Variants in GBX1 observed in about 807,000 individuals in gnomAD.
The protein encoded by GBX1 is homeobox protein GBX-1.
In GBX1, 9 loss-of-function variants were observed where a neutral mutation model predicts 22.9. That is an observed-to-expected ratio of 0.39 (90% CI 0.24 to 0.69). The LOEUF (loss-of-function observed/expected upper bound fraction) is 0.69. Ranked by LOEUF, GBX1 falls within the 30% of genes least tolerant of loss-of-function variation. The pLI, the probability that GBX1 is intolerant of heterozygous loss-of-function variation, is 0.43. For synonymous variants in GBX1, 203 were observed against 227.3 expected (o/e 0.89, Z 0.96); for missense variants, 494 against 509.2 (o/e 0.97, Z 0.29).
rs1362751722 is a variant in GBX1 at position 151,167,080 on chromosome 7, G to C, written c.469C>G (p.Arg157Gly). 5.0e-6 allele frequency: 8 copies of C among 1,602,422 alleles called. No homozygotes were observed. The highest frequency in any genetic ancestry group is 1.7e-5 in the Admixed American group (1 of 58,712). Reference sequence around the variant, plus strand: ...GGTGGGGGCTCTGCCACTTTCTCCCGGGCCGGCAGCAGCTCATCAGCTTCC... The same window carrying C: ...GGTGGGGGCTCTGCCACTTTCTCCCCGGCCGGCAGCAGCTCATCAGCTTCC... ...GLEADELLPA[R>G]EKVAEPPPPP... The change falls in exon 1 of 2, where the codon CGG becomes GGG. Residue 157 changes from arginine to glycine, a missense_variant. Physicochemically the swap from Arg to Gly is moderately radical, Grantham distance 125. This residue lies in a region of GBX1 where 365 missense variants were observed against 340.4 expected (regional missense o/e 1.07). Transcript: ENST00000297537. This position sits in a 1 kb window ranked among gnomAD's most constrained non-coding sequence, Gnocchi z 5.9.
chr7:151,154,710 T>C (rs1801115704), intron 1 of GBX1, among the ~76,000 whole-genome samples: 1 of 152,194 alleles, frequency 6.6e-6, no homozygotes, highest in African/African-American at 2.4e-5. Context: ...TTAATCTCAT[T>C]CCAGAGAACA....
chr7:151,152,085 T>G (rs561051173), intron 1 of GBX1, among the ~76,000 whole-genome samples: 1 of 152,246 alleles, frequency 6.6e-6, no homozygotes, highest in South Asian at 2.1e-4. Flanking sequence ...AAAGTAGGTA[T>G]TCTGAATATT....
At chr7:151,161,809 G>A (rs1801190958) in intron 1 of GBX1, among the ~76,000 whole-genome samples, 1 of 152,158 alleles carries the variant, frequency 6.6e-6, no homozygotes, top group Non-Finnish European at 1.5e-5. Context: ...CAGATCCCCT[G>A]ATGAAAGGTC....
chr7:151,159,404 G>A lies in GBX1; in HGVS notation c.538+7607C>T, dbSNP rs1474495308. 2.0e-5 allele frequency among the ~76,000 whole-genome samples: 3 copies of A among 152,080 alleles called. No individual in the cohort carries two copies. In the East Asian group the frequency reaches 5.8e-4, roughly 29 times the overall value. On this transcript the variant is annotated intron_variant, in intron 1 of 1. Coordinates refer to ENST00000297537, the MANE Select transcript of GBX1 (RefSeq NM_001098834.3). Reference sequence around the variant, plus strand: ...TTTTGTTGTTGTTTTTTGAGACAAGGTCTTGCTCTGTTGTGCAGGCTGGAG... The same window carrying A: ...TTTTGTTGTTGTTTTTTGAGACAAGATCTTGCTCTGTTGTGCAGGCTGGAG...
chr7:151,165,905 T>C (rs1221538752), intron 1 of GBX1, among the ~76,000 whole-genome samples: 1 of 152,206 alleles, frequency 6.6e-6, no homozygotes, highest in Non-Finnish European at 1.5e-5. Context: ...CTTGTCTCTG[T>C]TCAAGTCAGC....
At position 151,167,144 on chromosome 7, in the gene GBX1, G is replaced by A. The variant is rs1801263666; in HGVS notation, c.405C>T (p.Asn135=). ...AAAAAATAAR[N]NPEPGGRRPE... is the part of the protein sequence containing the mutation. ...GGCGTCGGCCGCCTGGCTCGGGGTTGTTTCGGGCGGCAGTGGCGGCGGCGG... is the reference window on the plus strand; with the variant it reads ...GGCGTCGGCCGCCTGGCTCGGGGTTATTTCGGGCGGCAGTGGCGGCGGCGG... The change falls in exon 1 of 2, where the codon AAC becomes AAT. Residue 135 remains asparagine, a synonymous_variant. Coordinates refer to ENST00000297537, the MANE Select transcript of GBX1 (RefSeq NM_001098834.3). This position sits in a 1 kb window ranked among gnomAD's most constrained non-coding sequence, Gnocchi z 5.9. The A allele has an allele frequency of 6.2e-7, 1 of 1,601,708 alleles. No individual in the cohort carries two copies. Among genetic ancestry groups the A allele is most frequent in the African/African-American group, 1.4e-5 (1 of 73,504 alleles).
chr7:151,167,243 G>A lies in GBX1; in HGVS notation c.306C>T (p.Thr102=), dbSNP rs752974785. The part of the protein sequence containing the change: ...GQAVPSMVAL[T]TALPSFAEPP... ...GCTCCGCGAAGCTGGGCAGCGCGGT[G>A]GTCAGCGCCACCATCGAGGGCACAG... The change falls in exon 1 of 2, where the codon ACC becomes ACT. Residue 102 remains threonine (T), a synonymous_variant. Transcript: ENST00000297537. The surrounding 1 kb of genome is among the most constrained non-coding windows in gnomAD (Gnocchi z 5.9). 3.8e-5 allele frequency: 59 copies of A among 1,551,438 alleles called. 1 individual carries two copies. The South Asian group carries it at 6.4e-4, about 17-fold the overall frequency.
chr7:151,150,677 A>T (rs1028906444), intron 1 of GBX1, among the ~76,000 whole-genome samples: 1 of 148,944 alleles, frequency 6.7e-6, no homozygotes, highest in African/African-American at 2.5e-5. Context: ...TGCAGTCTAC[A>T]CCTGGTCTTT....
intron 1 of GBX1, chr7:151,149,869 C>G: frequency 2.2e-6 from 1 of 453,776 alleles, no homozygotes; most frequent in East Asian, 7.0e-5. Context: ...GCCTCCTGAT[C>G]CCCTTTCAAT....
rs376110409 is a variant in GBX1, at chr7:151,166,474, ACCC to A, written c.538+534_538+536del. 3.7e-4 allele frequency among the ~76,000 whole-genome samples: 26 copies of A among 70,620 alleles called. 1 individual carries two copies. The highest frequency in any genetic ancestry group is 4.9e-4 in the Non-Finnish European group (18 of 36,746). The allele number at this position is 70,620 out of a possible 152,430, so 46.3% of individuals were successfully genotyped here. A position where few individuals can be genotyped will look rare whatever the true frequency, so the allele number is the denominator to read the frequency against. ...TCAGAAGTCACGGCTTTGAGACGCA[ACCC>A]CCCCCCCCCAACACACACACACACA... On this transcript the variant is annotated intron_variant, in intron 1 of 1. Transcript: ENST00000297537.
chr7:151,160,306 C>T (rs991574533), intron 1 of GBX1, among the ~76,000 whole-genome samples: 1 of 152,212 alleles, frequency 6.6e-6, no homozygotes, highest in African/African-American at 2.4e-5. Context: ...TGCCTTTACA[C>T]TCAGGGTAAT....
At chr7:151,152,847 T>C (rs905700756) in intron 1 of GBX1, among the ~76,000 whole-genome samples, 2 of 152,202 alleles carry the variant, frequency 1.3e-5, no homozygotes, top group Non-Finnish European at 2.9e-5. Context: ...GGTTACTTGA[T>C]CCCAGTGGGA....
chr7:151,151,409 T>C (rs1052747056), intron 1 of GBX1, among the ~76,000 whole-genome samples: 12 of 152,326 alleles, frequency 7.9e-5, no homozygotes, highest in African/African-American at 2.9e-4. Context: ...GCCAAATCTA[T>C]GTTGTTTTCT....
At chr7:151,159,893 C>T (rs1801172954) in intron 1 of GBX1, among the ~76,000 whole-genome samples, 1 of 152,126 alleles carries the variant, frequency 6.6e-6, no homozygotes, top group South Asian at 2.1e-4. Context: ...AATGTGACAG[C>T]TATACACAGT....
At chr7:151,149,895 T>G (rs1801058884) in intron 1 of GBX1, 1 of 455,936 alleles carries the variant, frequency 2.2e-6, no homozygotes, top group Admixed American at 2.3e-5. Flanking sequence ...CCCTTGACCT[T>G]AAAATGAAAC....
chr7:151,167,333 G>A lies in GBX1; in HGVS notation c.216C>T (p.Pro72=), dbSNP rs1336717551. ...APAPLPAGLP[P]LAPLASFAGR... ...CGGCGAAAGAGGCTAGCGGGGCGAGGGGCGGGAGGCCAGCGGGCAGCGGCG... is the reference window on the plus strand; with the variant it reads ...CGGCGAAAGAGGCTAGCGGGGCGAGAGGCGGGAGGCCAGCGGGCAGCGGCG... Residue 72 remains proline, a synonymous_variant, in exon 1 of 2, where the codon CCC becomes CCT. Transcript: ENST00000297537. This position sits in a 1 kb window ranked among gnomAD's most constrained non-coding sequence, Gnocchi z 5.9. The A allele has an allele frequency of 1.3e-6, 2 of 1,514,446 alleles. No individual in the cohort carries two copies. The highest frequency in any genetic ancestry group is 1.8e-6 in the Non-Finnish European group (2 of 1,134,506). The allele number at this position is 1,514,446 out of a possible 1,614,324, so 93.8% of individuals were successfully genotyped here.
chr7:151,160,644 T>C (rs959892484), intron 1 of GBX1, among the ~76,000 whole-genome samples: 6 of 152,232 alleles, frequency 3.9e-5, no homozygotes, highest in Non-Finnish European at 7.3e-5. Context: ...CCTGTCTCTT[T>C]CTACTACACC....
chr7:151,166,480 C>T (rs571698053), intron 1 of GBX1, among the ~76,000 whole-genome samples: 4 of 125,108 alleles, frequency 3.2e-5, no homozygotes, highest in African/African-American at 7.1e-5. Context: ...CGCAACCCCC[C>T]CCCCCCAACA....
chr7:151,150,439 G>A (rs987744046), intron 1 of GBX1, among the ~76,000 whole-genome samples: 2 of 152,208 alleles, frequency 1.3e-5, no homozygotes, highest in African/African-American at 4.8e-5. Context: ...ATGTAGGAAT[G>A]CATCTCCCTG....
Sources: gnomAD v4.1 joint callset for allele counts (sites outside exome capture counted in the v4.1 genomes callset) on GRCh38, gnomAD v4.1.1 for gene constraint, gnomAD v4.1.1 regional missense constraint, Gnocchi (gnomAD v3.1) non-coding constraint, MANE v1.5 for transcripts, NCBI Gene and HGNC (gene_info 2026-07-23, HGNC 2026-07-21) for gene names.